RIGI: variants seen among roughly 807,000 people sequenced by gnomAD.
RIGI encodes RNA sensor RIG-I, also known as antiviral innate immune response receptor RIG-I.
At chr9:32,459,646 T>C in the RIGI span, 1 of 874,156 alleles carries the variant, frequency 1.1e-6, no homozygotes, top group Non-Finnish European at 1.7e-6. Flanking sequence ...CATGAACATA[T>C]GGTACCTGAC....
chr9:32,515,335 G>GCC, the RIGI span, among the ~76,000 whole-genome samples: 3 of 70,304 alleles, frequency 4.3e-5, no homozygotes, highest in East Asian at 2.7e-4. Flanking sequence ...AAAAAAAAAA[G>GCC]CCACACGTTT....
chr9:32,457,217 C>A, the RIGI span: 1 of 1,614,070 alleles, frequency 6.2e-7, no homozygotes, highest in Non-Finnish European at 8.5e-7. Context: ...GCAATATCCT[C>A]CACCACAAAA....
chr9:32,465,853 C>G, the RIGI span, among the ~76,000 whole-genome samples: 4 of 152,180 alleles, frequency 2.6e-5, no homozygotes, highest in African/African-American at 4.8e-5. Flanking sequence ...GGTCATTACA[C>G]TAAGAGGTTG....
the RIGI span, among the ~76,000 whole-genome samples, chr9:32,469,404 G>A: frequency 9.2e-5 from 14 of 152,196 alleles, no homozygotes; most frequent in Admixed American, 6.5e-5. Context: ...TCTGAAATTG[G>A]GATTGGAGAC....
chr9:32,475,939 G>C, the RIGI span, among the ~76,000 whole-genome samples: 2 of 151,988 alleles, frequency 1.3e-5, no homozygotes, highest in African/African-American at 4.8e-5. Context: ...GGACTTTTTT[G>C]TCAGACTATA....
At chr9:32,470,710 T>G in the RIGI span, among the ~76,000 whole-genome samples, 2 of 152,224 alleles carry the variant, frequency 1.3e-5, no homozygotes, top group Non-Finnish European at 2.9e-5. Flanking sequence ...AATGGAAATG[T>G]GGAAATATAC....
chr9:32,479,925 A>G, the RIGI span, among the ~76,000 whole-genome samples: 1 of 152,046 alleles, frequency 6.6e-6, no homozygotes, highest in Non-Finnish European at 1.5e-5. Flanking sequence ...TAAAATTACT[A>G]AAAAAGAACG....
chr9:32,513,084 T>C, the RIGI span, among the ~76,000 whole-genome samples: 8 of 151,818 alleles, frequency 5.3e-5, no homozygotes, highest in African/African-American at 1.7e-4. Context: ...TACAAACAAA[T>C]GGAAGAACAT....
the RIGI span, among the ~76,000 whole-genome samples, chr9:32,488,565 C>T: frequency 2.6e-5 from 4 of 152,232 alleles, no homozygotes; most frequent in East Asian, 7.7e-4. Context: ...TTTAAGTTTT[C>T]TGGTACATCT....
At chr9:32,466,332 A>T in the RIGI span, 1 of 1,614,000 alleles carries the variant, frequency 6.2e-7, no homozygotes, top group Non-Finnish European at 8.5e-7. Context: ...GAAGGCGTAA[A>T]ATAGAGTCAT....
the RIGI span, chr9:32,493,834 C>T: frequency 6.2e-7 from 1 of 1,611,166 alleles, no homozygotes; most frequent in African/African-American, 1.3e-5. Flanking sequence ...TGGGATAATT[C>T]TGGTTTTAAA....
chr9:32,492,486 A>G, the RIGI span: 2 of 1,614,150 alleles, frequency 1.2e-6, no homozygotes, highest in Non-Finnish European at 8.5e-7. Flanking sequence ...TGATCTGAGA[A>G]GGCATTCCAC....
the RIGI span, among the ~76,000 whole-genome samples, chr9:32,476,581 T>G: frequency 4.6e-5 from 7 of 151,062 alleles, no homozygotes; most frequent in Non-Finnish European, 8.8e-5. Context: ...CAGAACAGAA[T>G]AGAGAAACTC....
At chr9:32,489,323 A>G in the RIGI span, 2 of 1,533,456 alleles carry the variant, frequency 1.3e-6, no homozygotes, top group South Asian at 1.2e-5. Flanking sequence ...AAAACTATGT[A>G]AGTAATGGCA....
the RIGI span, chr9:32,491,446 A>G: frequency 5.1e-6 from 8 of 1,563,070 alleles, no homozygotes; most frequent in Non-Finnish European, 7.0e-6. Flanking sequence ...AAAGTCTTAG[A>G]ATCTTCACAT....
chr9:32,473,745 G>A, the RIGI span, among the ~76,000 whole-genome samples: 5 of 152,234 alleles, frequency 3.3e-5, no homozygotes, highest in Admixed American at 1.3e-4. Context: ...AAGTTTTTAA[G>A]TACTGGACAC....
chr9:32,500,560 G>A, the RIGI span, among the ~76,000 whole-genome samples: 1 of 151,888 alleles, frequency 6.6e-6, no homozygotes, highest in Non-Finnish European at 1.5e-5. Flanking sequence ...TTGTATACTG[G>A]TCTTATATCC....
the RIGI span, among the ~76,000 whole-genome samples, chr9:32,473,286 CTT>C: frequency 1.6e-4 from 19 of 122,534 alleles, no homozygotes; most frequent in African/African-American, 4.9e-4. Context: ...ATCTCTAAGA[CTT>C]TTTTTTTTTT....
the RIGI span, chr9:32,473,186 GACAA>G: frequency 2.0e-6 from 1 of 511,232 alleles, no homozygotes; most frequent in Non-Finnish European, 3.2e-6. Flanking sequence ...TTTTCAGACT[GACAA>G]ACCTGAGAAA....
Sources: allele counts gnomAD v4.1 joint callset (sites outside exome capture counted in the v4.1 genomes callset), GRCh38; gene constraint gnomAD v4.1.1; transcripts MANE v1.5; gene names NCBI Gene and HGNC (gene_info 2026-07-23, HGNC 2026-07-21).